PDILT: variants seen among roughly 807,000 people sequenced by gnomAD.
PDILT encodes protein disulfide-isomerase-like protein of the testis.
Under a neutral mutation model 53.7 loss-of-function variants are expected in PDILT, and 43 were observed. The ratio of observed to expected loss-of-function variants is 0.80; its 90% confidence interval spans 0.63 to 1.03. The LOEUF (loss-of-function observed/expected upper bound fraction) is 1.03. Among genes scored for constraint, PDILT ranks in the 50% least tolerant of loss-of-function variants. The pLI is 0.00. For missense variants in PDILT, 727 were observed against 712.3 expected, an observed-to-expected ratio of 1.02 and a Z score of -0.24; for synonymous variants, 282 against 274.2, an observed-to-expected ratio of 1.03 and a Z score of -0.28.
chr16:20,376,815 C>G (rs1203930118), intron 3 of PDILT, among the ~76,000 whole-genome samples: 1 of 152,110 alleles, frequency 6.6e-6, no homozygotes, highest in Non-Finnish European at 1.5e-5. Context: ...GTCTTAGCTT[C>G]CAAAATTAAG....
Position 20,379,081 on chromosome 16 carries a change from G to A in PDILT, c.410-2880C>T, listed in dbSNP as rs371712552. 5.3e-5 allele frequency among the ~76,000 whole-genome samples: 8 copies of A among 151,522 alleles called. No homozygotes were observed. In the East Asian group the frequency reaches 7.8e-4, roughly 15 times the overall value. On this transcript the variant is annotated intron_variant, in intron 3 of 11. Transcript: ENST00000302451. ...CAGGCTAGAGTGCAGTGGTGTAGTC[G>A]TGGCTTACTGCAGCCTCGATCTCCC...
intron 2 of PDILT, chr16:20,385,901 A>C (rs1018040185): frequency 6.6e-6 from 1 of 152,228 alleles, no homozygotes; most frequent in Non-Finnish European, 1.5e-5. Flanking sequence ...TTATGGAGAC[A>C]GAGAGGAAGC....
intron 1 of PDILT, among the ~76,000 whole-genome samples, chr16:20,403,443 C>T (rs28445933): frequency 0.064 from 9,705 of 152,132 alleles, 494 homozygotes; most frequent in East Asian, 0.21. Flanking sequence ...GCACCCGCCA[C>T]CATGCCCGGC....
intron 5 of PDILT, 60 bp downstream of exon 5, chr16:20,374,762 C>A: frequency 6.5e-7 from 1 of 1,542,460 alleles, no homozygotes; most frequent in South Asian, 1.3e-5. Context: ...ACCCAAAGCT[C>A]ATACGATTCC....
intron 8 of PDILT, among the ~76,000 whole-genome samples, chr16:20,368,138 G>A (rs1458853737): frequency 2.0e-5 from 3 of 152,134 alleles, no homozygotes; most frequent in South Asian, 2.1e-4. Flanking sequence ...TGCAATCTCC[G>A]GGTTGTGGGC....
intron 5 of PDILT, among the ~76,000 whole-genome samples, chr16:20,373,887 C>T (rs1966344974): frequency 6.6e-6 from 1 of 152,146 alleles, no homozygotes; most frequent in Non-Finnish European, 1.5e-5. Context: ...TTGTTCTTTG[C>T]TCAATTAAGC....
chr16:20,362,168 G>A (rs1025820871), intron 10 of PDILT, among the ~76,000 whole-genome samples: 3 of 152,186 alleles, frequency 2.0e-5, no homozygotes, highest in African/African-American at 7.2e-5. Context: ...ACATCCACTT[G>A]GCCACAGTGG....
intron 2 of PDILT, among the ~76,000 whole-genome samples, chr16:20,397,568 A>C (rs932606202): frequency 5.3e-5 from 8 of 152,226 alleles, no homozygotes; most frequent in African/African-American, 1.4e-4. Flanking sequence ...TAGGACTGTG[A>C]ACCCCTGAAG....
chr16:20,366,988 C>CTATTTATTTATTTATTTA (rs1567320487), intron 8 of PDILT, among the ~76,000 whole-genome samples: 1 of 83,406 alleles, frequency 1.2e-5, no homozygotes, highest in African/African-American at 5.0e-5. Flanking sequence ...TCCTTCCTTC[C>CTATTTATTTATTTATTTA]TTTCTTTCTT....
chr16:20,404,379 T>C (rs1487956370), intron 1 of PDILT, 117 bp downstream of exon 1: 1 of 152,208 alleles, frequency 6.6e-6, no homozygotes. Context: ...TCCTAATGTG[T>C]AGCCATCTAT....
rs1237033230 is a variant in PDILT at position 20,376,122 on chromosome 16, C to T, written c.489G>A (p.Glu163=). 3.1e-6 allele frequency: 5 copies of T among 1,614,222 alleles called. No individual in the cohort carries two copies. The highest frequency in any genetic ancestry group is 1.7e-5 in the Admixed American group (1 of 60,026). Residue 163 remains glutamate (E), a synonymous_variant, in exon 4 of 12, where the codon GAG becomes GAA. Transcript: ENST00000302451. ...SQKAFLFNSS[E]QVAEFVISRP... Reference sequence around the variant, plus strand: ...TGGATATCACAAACTCTGCCACCTGCTCGCTGCTGTTGAACAAAAATGCTT... The same window carrying T: ...TGGATATCACAAACTCTGCCACCTGTTCGCTGCTGTTGAACAAAAATGCTT...
chr16:20,402,523 T>C (rs2141627205), intron 1 of PDILT, among the ~76,000 whole-genome samples: 1 of 152,324 alleles, frequency 6.6e-6, no homozygotes. Context: ...GGTCTGGAAC[T>C]CCTGACCTCA....
chr16:20,384,534 A>T lies in PDILT; in HGVS notation c.409+111T>A, dbSNP rs1966504466. ...GAAGGGCAGAGTCACAAGCTGGAGG[A>T]TCCTGGGTCCCCGAGAAGCTGCATG... On this transcript the variant is annotated intron_variant, in intron 3 of 11. Coordinates refer to ENST00000302451, the MANE Select transcript of PDILT (RefSeq NM_174924.2). 3.1e-6 allele frequency: 4 copies of T among 1,310,026 alleles called. No homozygotes were observed. The Admixed American group carries it at 7.3e-5, about 24-fold the overall frequency. The allele number at this position is 1,310,026 out of a possible 1,614,324, so 81.2% of individuals were successfully genotyped here.
At chr16:20,403,930 C>T (rs1044247786) in intron 1 of PDILT, among the ~76,000 whole-genome samples, 4 of 152,246 alleles carry the variant, frequency 2.6e-5, no homozygotes, top group Admixed American at 2.6e-4. Flanking sequence ...CTCGAATCCA[C>T]GCTCATCAGA....
intron 1 of PDILT, among the ~76,000 whole-genome samples, chr16:20,403,463 T>C (rs1191549223): frequency 2.0e-5 from 3 of 152,104 alleles, no homozygotes; most frequent in Admixed American, 1.3e-4. Flanking sequence ...CTAATTTTTG[T>C]ATTTTTAGTA....
chr16:20,392,897 C>T (rs1300864145), intron 2 of PDILT, among the ~76,000 whole-genome samples: 1 of 152,184 alleles, frequency 6.6e-6, no homozygotes, highest in African/African-American at 2.4e-5. Context: ...TAAAACAGAG[C>T]AGAGCCTTCT....
intron 5 of PDILT, among the ~76,000 whole-genome samples, chr16:20,374,187 T>G (rs963681212): frequency 2.6e-5 from 4 of 151,972 alleles, no homozygotes; most frequent in African/African-American, 9.7e-5. Context: ...GCTTCTTCCC[T>G]CATTTTATAC....
At chr16:20,386,051 G>A (rs1160577413) in intron 2 of PDILT, 1 of 152,140 alleles carries the variant, frequency 6.6e-6, no homozygotes, top group East Asian at 1.9e-4. Context: ...CGGGGATAGG[G>A]GAGGTTGTGG....
At chr16:20,361,139 G>A (rs920934666) in intron 10 of PDILT, among the ~76,000 whole-genome samples, 3 of 151,070 alleles carry the variant, frequency 2.0e-5, no homozygotes, top group Admixed American at 1.3e-4. Context: ...AGTTCTTTTC[G>A]GAAGCATCTG....
Sources: allele counts gnomAD v4.1 joint callset (sites outside exome capture counted in the v4.1 genomes callset), GRCh38; gene constraint gnomAD v4.1.1; transcripts MANE v1.5; gene names NCBI Gene and HGNC (gene_info 2026-07-23, HGNC 2026-07-21).